Variants in RHOH observed in about 807,000 individuals in gnomAD.
The protein encoded by RHOH is ras homolog family member H, also known as rho-related GTP-binding protein RhoH.
Under a neutral mutation model 13.8 loss-of-function variants are expected in RHOH, and 6 were observed. The observed-to-expected ratio is 0.44, with a 90% CI of 0.24 to 0.86. The LOEUF is 0.86. Ranked by LOEUF, RHOH falls within the 40% of genes least tolerant of loss-of-function variation. RHOH has a pLI of 0.24. For synonymous variants in RHOH, 117 were observed against 103.0 expected (o/e 1.14, Z -0.82); for missense variants, 147 against 244.5 (o/e 0.60, Z 2.66).
chr4:40,220,049 G>C (rs1346535930), intron 1 of RHOH, among the ~76,000 whole-genome samples: 1 of 152,110 alleles, frequency 6.6e-6, no homozygotes, highest in Non-Finnish European at 1.5e-5. Flanking sequence ...GCTGGATGGA[G>C]GTTATCTTAT....
chr4:40,241,015 A>C (rs994161228), intron 1 of RHOH, among the ~76,000 whole-genome samples: 1 of 151,992 alleles, frequency 6.6e-6, no homozygotes, highest in Non-Finnish European at 1.5e-5. Context: ...AAGATAATTA[A>C]ATTAAATTAA....
At chr4:40,198,246 A>T (rs922134016) in intron 1 of RHOH, among the ~76,000 whole-genome samples, 3 of 152,190 alleles carry the variant, frequency 2.0e-5, no homozygotes, top group African/African-American at 7.2e-5. Flanking sequence ...TGTCGGTAGA[A>T]GGAGAAGGGG....
intron 1 of RHOH, among the ~76,000 whole-genome samples, chr4:40,217,480 A>C (rs941311493): frequency 3.9e-5 from 6 of 152,184 alleles, no homozygotes; most frequent in African/African-American, 1.4e-4. Context: ...GCATTGTTAA[A>C]ATCTTAGTAT....
At chr4:40,204,075 A>G (rs1724351931) in intron 1 of RHOH, among the ~76,000 whole-genome samples, 2 of 152,250 alleles carry the variant, frequency 1.3e-5, no homozygotes, top group Admixed American at 6.5e-5. Context: ...CAACAACATT[A>G]TATCACAAAA....
intron 1 of RHOH, among the ~76,000 whole-genome samples, chr4:40,230,456 G>A (rs561849420): frequency 3.9e-5 from 6 of 151,988 alleles, no homozygotes; most frequent in Non-Finnish European, 5.9e-5. Context: ...CCAGCCTCCC[G>A]AATAGCTGGG....
chr4:40,198,563 T>G (rs187852992), intron 1 of RHOH, among the ~76,000 whole-genome samples: 114 of 152,342 alleles, frequency 7.5e-4, no homozygotes, highest in African/African-American at 2.6e-3. Flanking sequence ...TCTTCCCACT[T>G]GGGGCTGCTT....
In RHOH at chr4:40,243,569, C is replaced by T. The variant is rs903764924; in HGVS notation, c.183C>T (p.Gly61=). 2.5e-5 allele frequency: 40 copies of T among 1,614,030 alleles called. No individual in the cohort carries two copies. The highest frequency in any genetic ancestry group is 3.2e-5 in the Non-Finnish European group (38 of 1,180,026). The change falls in exon 3 of 3, where the codon GGC becomes GGT. Residue 61 remains glycine (G), a synonymous_variant. Transcript: ENST00000381799. This position sits in a 1 kb window ranked among gnomAD's most constrained non-coding sequence, Gnocchi z 6.2. ...GCCTGGGCCTCTGGGACACAGCCGGCAATGACGCCTTCAGAAGCATCCGGC... is the reference window on the plus strand; with the variant it reads ...GCCTGGGCCTCTGGGACACAGCCGGTAATGACGCCTTCAGAAGCATCCGGC... The part of the protein sequence containing the change: ...QISLGLWDTA[G]NDAFRSIRPL...
At chr4:40,203,678 A>G (rs1724304582) in intron 1 of RHOH, among the ~76,000 whole-genome samples, 1 of 152,140 alleles carries the variant, frequency 6.6e-6, no homozygotes, top group Non-Finnish European at 1.5e-5. Context: ...TTTGTTATAG[A>G]AACAAACAGC....
chr4:40,223,054 C>T (rs1344085459), intron 1 of RHOH, among the ~76,000 whole-genome samples: 6 of 152,166 alleles, frequency 3.9e-5, no homozygotes, highest in African/African-American at 2.4e-5. Context: ...GACTGAATGT[C>T]TGTAATCTCA....
intron 1 of RHOH, among the ~76,000 whole-genome samples, chr4:40,208,063 C>CT (rs1311970064): frequency 1.3e-5 from 2 of 151,714 alleles, no homozygotes; most frequent in Admixed American, 6.6e-5. Flanking sequence ...TTTATATCTA[C>CT]TTTTTTTTGG....
intron 1 of RHOH, among the ~76,000 whole-genome samples, chr4:40,232,986 T>G (rs1184237057): frequency 1.3e-5 from 2 of 152,168 alleles, no homozygotes; most frequent in Admixed American, 1.3e-4. Context: ...TACTGGTTCA[T>G]ATCATCATCA....
chr4:40,211,974 A>T (rs185219929), intron 1 of RHOH, among the ~76,000 whole-genome samples: 23 of 152,310 alleles, frequency 1.5e-4, no homozygotes, highest in Admixed American at 3.9e-4. Context: ...CAGCTGGACT[A>T]TGCTTCTGAG....
chr4:40,216,408 G>T (rs574986930), intron 1 of RHOH, among the ~76,000 whole-genome samples: 1 of 152,024 alleles, frequency 6.6e-6, no homozygotes, highest in African/African-American at 2.4e-5. Context: ...GGCAGAGGTG[G>T]CAGTAAGCCG....
At chr4:40,229,451 C>A (rs1294442815) in intron 1 of RHOH, among the ~76,000 whole-genome samples, 1 of 151,942 alleles carries the variant, frequency 6.6e-6, no homozygotes, top group East Asian at 1.9e-4. Context: ...GCCTGACCAA[C>A]ATGGAGAAAC....
chr4:40,193,758 A>C (rs2109327900), upstream of RHOH: 1 of 152,816 alleles, frequency 6.5e-6, no homozygotes, highest in African/African-American at 2.4e-5. Context: ...CCAGTTCTTC[A>C]GAAGCAGAAG....
chr4:40,213,334 CTT>C (rs1491388439), intron 1 of RHOH, among the ~76,000 whole-genome samples: 10 of 147,364 alleles, frequency 6.8e-5, no homozygotes, highest in African/African-American at 1.8e-4. Context: ...TAGTTCCTGA[CTT>C]CTCTCTCTCT....
chr4:40,242,204 AATTT>A (rs1729337522), intron 1 of RHOH, among the ~76,000 whole-genome samples: 1 of 152,160 alleles, frequency 6.6e-6, no homozygotes, highest in Non-Finnish European at 1.5e-5. Flanking sequence ...ACTGAATGAG[AATTT>A]ATTTGGCCTT....
intron 1 of RHOH, among the ~76,000 whole-genome samples, chr4:40,210,415 T>G (rs141822101): frequency 4.1e-4 from 62 of 152,228 alleles, no homozygotes; most frequent in African/African-American, 1.5e-3. Context: ...CTTCTAGCCA[T>G]GTACTCCATT....
chr4:40,223,109 A>G (rs1726781516), intron 1 of RHOH, among the ~76,000 whole-genome samples: 1 of 152,246 alleles, frequency 6.6e-6, no homozygotes, highest in Non-Finnish European at 1.5e-5. Flanking sequence ...CAGATGAGCC[A>G]AGAAAGTAAT....
Sources: gnomAD v4.1 joint callset for allele counts (sites outside exome capture counted in the v4.1 genomes callset) on GRCh38, gnomAD v4.1.1 for gene constraint, Gnocchi (gnomAD v3.1) non-coding constraint, MANE v1.5 for transcripts, NCBI Gene and HGNC (gene_info 2026-07-23, HGNC 2026-07-21) for gene names.